BRWD3: variants seen among roughly 807,000 people sequenced by gnomAD.
BRWD3 encodes bromodomain and WD repeat domain containing 3.
BRWD3 carries 10 observed loss-of-function variants against 149.7 expected under a neutral mutation model. That is an observed-to-expected ratio of 0.07 (90% CI 0.04 to 0.11). The LOEUF (loss-of-function observed/expected upper bound fraction) is 0.11, where lower values mean the gene tolerates loss of function less well. BRWD3 is among the 10% of genes least tolerant of loss of function. BRWD3 has a pLI of 1.00. For missense variants in BRWD3, 940 were observed against 1,373.2 expected (o/e 0.68, Z 4.99); for synonymous variants, 504 against 456.7 (o/e 1.10, Z -1.32).
chrX:80,683,978 T>G (rs1468733509), intron 37 of BRWD3, 32 bp downstream of exon 37: 3 of 1,190,305 alleles, frequency 2.5e-6, no homozygotes, highest in Non-Finnish European at 3.4e-6. Context: ...TAAAGAAAAC[T>G]GCCTGATAAT....
chrX:80,755,061 A>C (rs934179758), intron 6 of BRWD3, among the ~76,000 whole-genome samples: 1 of 111,441 alleles, frequency 9.0e-6, no homozygotes, highest in African/African-American at 3.3e-5. Flanking sequence ...TCTGCCATCT[A>C]CTGAGATGAT....
intron 6 of BRWD3, among the ~76,000 whole-genome samples, chrX:80,752,782 A>C (rs2073685864): frequency 9.0e-6 from 1 of 110,774 alleles, no homozygotes; most frequent in Non-Finnish European, 1.9e-5. Flanking sequence ...CTCCTGCCTT[A>C]GCCTCCTGAG....
chrX:80,719,424 A>G, intron 18 of BRWD3, 65 bp downstream of exon 18: 1 of 1,016,269 alleles, frequency 9.8e-7, no homozygotes, highest in Admixed American at 2.8e-5. Context: ...CCATGTAATT[A>G]TTTGGTAAAA....
chrX:80,698,278 A>G (rs1401776761), intron 25 of BRWD3, among the ~76,000 whole-genome samples: 1 of 111,951 alleles, frequency 8.9e-6, no homozygotes, highest in African/African-American at 3.2e-5. Flanking sequence ...CTTCATAGGT[A>G]TAGGGTCCTG....
In BRWD3 at chrX:80,744,110, T is replaced by C; in HGVS notation, c.735A>G (p.Val245=). 1 of 1,211,670 alleles carries C rather than the reference T, an allele frequency of 8.3e-7. No homozygotes were observed. The highest frequency in any genetic ancestry group is 1.8e-5 in the South Asian group (1 of 57,007). Residue 245 remains valine, a synonymous_variant, in exon 8 of 41, where the codon GTA becomes GTG. Transcript: ENST00000373275. ...TLIAAGSCDK[V]VRVWCLRTCA... Reference sequence around the variant, plus strand: ...AAGTTCGAAGACACCATACTCTTACTACCTTATCACAGCTGCCTGCAGCAA... The same window carrying C: ...AAGTTCGAAGACACCATACTCTTACCACCTTATCACAGCTGCCTGCAGCAA...
intron 4 of BRWD3, among the ~76,000 whole-genome samples, chrX:80,806,976 A>G (rs1273592435): frequency 8.9e-6 from 1 of 111,979 alleles, no homozygotes; most frequent in Admixed American, 9.5e-5. Context: ...TTTCCTTTTA[A>G]TCTCCTTTGC....
intron 33 of BRWD3, 63 bp from the exon 34 acceptor site, chrX:80,688,188 T>C (rs1315872640): frequency 2.3e-6 from 2 of 885,560 alleles, no homozygotes; most frequent in African/African-American, 3.9e-5. Context: ...ATAAATTAGA[T>C]GGACATTTAC....
intron 14 of BRWD3, among the ~76,000 whole-genome samples, chrX:80,726,297 G>A (rs187081314): frequency 1.0e-5 from 1 of 97,999 alleles, no homozygotes; most frequent in East Asian, 3.2e-4. Context: ...CATATAACAC[G>A]TTTACATGTT....
At chrX:80,703,224 T>C (rs939608278) in intron 24 of BRWD3, among the ~76,000 whole-genome samples, 1 of 111,248 alleles carries the variant, frequency 9.0e-6, no homozygotes, top group Non-Finnish European at 1.9e-5. Context: ...ATTATTTTTA[T>C]GACTTCACAA....
At chrX:80,799,818 T>C in intron 4 of BRWD3, among the ~76,000 whole-genome samples, 1 of 111,145 alleles carries the variant, frequency 9.0e-6, no homozygotes, top group Non-Finnish European at 1.9e-5. Flanking sequence ...TCTTAGCCTC[T>C]CTGAGCCTGA....
At chrX:80,717,465 A>C in intron 19 of BRWD3, 108 bp downstream of exon 19, 1 of 791,253 alleles carries the variant, frequency 1.3e-6, no homozygotes, top group South Asian at 2.3e-5. Flanking sequence ...TGCATGACTA[A>C]ACTATATTTT....
chrX:80,719,817 A>G (rs1334039146), intron 17 of BRWD3, among the ~76,000 whole-genome samples, 161 bp from the exon 18 acceptor site: 1 of 112,392 alleles, frequency 8.9e-6, no homozygotes, highest in Non-Finnish European at 1.9e-5. Flanking sequence ...TTTTTGATGT[A>G]CTAGCTTATG....
chrX:80,716,200 T>C lies in BRWD3; in HGVS notation c.2282A>G (p.Tyr761Cys), dbSNP rs1157114055. Residue 761 changes from tyrosine to cysteine, a missense_variant, in exon 20 of 41, where the codon TAT becomes TGT. This residue lies in a region of BRWD3 where 103 missense variants were observed against 103.2 expected (regional missense o/e 1.00). Transcript: ENST00000373275. ...TAKGDIEISL[Y>C]TVEKKKKPSY... ...TGGCTTTTTCTTCTTTTCAACTGTA[T>C]AAAGACTGATTTCTATGTCACCTTT... 8.3e-7 allele frequency: 1 copy of C among 1,208,774 alleles called. No individual in the cohort carries two copies. Among genetic ancestry groups the C allele is most frequent in the African/African-American group, 1.7e-5 (1 of 57,207 alleles).
intron 6 of BRWD3, among the ~76,000 whole-genome samples, chrX:80,752,489 C>G (rs188294529): frequency 1.6e-4 from 18 of 111,637 alleles, no homozygotes; most frequent in Non-Finnish European, 3.8e-5. Context: ...CTATTTACCA[C>G]AGAGGCTGTA....
chrX:80,760,064 G>A (rs1220986832), intron 6 of BRWD3, among the ~76,000 whole-genome samples: 1 of 111,808 alleles, frequency 8.9e-6, no homozygotes, highest in Non-Finnish European at 1.9e-5. Context: ...CCTGCATCAA[G>A]TTTCTATAAC....
rs537249630 is a variant in BRWD3 at position 80,681,766 on chromosome X, A to G, written c.4495+231T>C. Among the ~76,000 whole-genome samples, 4 of 111,870 alleles carry G rather than the reference A, an allele frequency of 3.6e-5. No homozygotes were observed. In the South Asian group the frequency reaches 1.5e-3, roughly 41 times the overall value. On this transcript the variant is annotated intron_variant, in intron 39 of 40. Coordinates refer to ENST00000373275, the MANE Select transcript of BRWD3 (RefSeq NM_153252.5). ...GATATTATAGGCATCATTTAATCAT[A>G]AAATTTTAAAACTAAGAGACTTTTC... is the stretch of plus-strand genomic sequence containing the variant.
At chrX:80,808,928 CA>C (rs1274717461) in intron 3 of BRWD3, 84 bp downstream of exon 3, 1 of 1,045,414 alleles carries the variant, frequency 9.6e-7, no homozygotes, top group Non-Finnish European at 1.3e-6. Context: ...GCCTCTATCC[CA>C]GCCCGTCTTC....
In BRWD3 at chrX:80,675,416, T is replaced by TA. The variant is rs1351949303; in HGVS notation, c.*1192dup. ...ATGAAAACCAGCAACTCACAGCTGT[T>TA]AAATGGTAAGTGGAGCAGAAATATA... On this transcript the variant is annotated 3_prime_UTR_variant, in exon 41 of 41. Coordinates refer to ENST00000373275, the MANE Select transcript of BRWD3 (RefSeq NM_153252.5). The TA allele has an allele frequency of 8.9e-6, 1 of 111,734 alleles. No homozygotes were observed. Among genetic ancestry groups the TA allele is most frequent in the East Asian group, 2.8e-4 (1 of 3,576 alleles). 9.2% of individuals were successfully genotyped at this position (111,734 alleles called of 1,213,427 possible). A position where few individuals can be genotyped will look rare whatever the true frequency, so the allele number is the denominator to read the frequency against.
rs2072633099 is a variant in BRWD3 at position 80,693,022 on chromosome X, C to T, written c.3181G>A (p.Ala1061Thr). Reference sequence around the variant, plus strand: ...CTCTCCACAGTCCCAAACCACCAGGCGTCATCTATTATACTGCGGAATCTA... The same window carrying T: ...CTCTCCACAGTCCCAAACCACCAGGTGTCATCTATTATACTGCGGAATCTA... Reference protein sequence around the residue: ...GDRFRSIIDDAWWFGTVESQQ... With the variant: ...GDRFRSIIDDTWWFGTVESQQ... Residue 1061 changes from alanine to threonine, a missense_variant, in exon 28 of 41, where the codon GCC (alanine) becomes ACC (threonine). By Grantham distance (58) the Ala-to-Thr change is moderately conservative. This residue lies in a region of BRWD3 where 158 missense variants were observed against 284.0 expected (regional missense o/e 0.56). Transcript: ENST00000373275. 1 of 1,209,003 alleles carries T rather than the reference C, an allele frequency of 8.3e-7. No homozygotes were observed. Among genetic ancestry groups the T allele is most frequent in the Non-Finnish European group, 1.1e-6 (1 of 893,026 alleles).
Sources: allele counts gnomAD v4.1 joint callset (sites outside exome capture counted in the v4.1 genomes callset), GRCh38; gene constraint gnomAD v4.1.1; regional missense constraint gnomAD v4.1.1; transcripts MANE v1.5; gene names NCBI Gene and HGNC (gene_info 2026-07-23, HGNC 2026-07-21).